Variants in PHACTR1 observed in about 807,000 individuals in gnomAD.
PHACTR1 encodes phosphatase and actin regulator 1, also known as RPEL repeat containing 1.
Under a neutral mutation model 69.2 loss-of-function variants are expected in PHACTR1, and 16 were observed. That is an observed-to-expected ratio of 0.23 (90% CI 0.16 to 0.35). The LOEUF (loss-of-function observed/expected upper bound fraction) is 0.35. Among genes scored for constraint, PHACTR1 ranks in the 10% least tolerant of loss-of-function variants. The pLI is 1.00. For missense variants in PHACTR1, 510 were observed against 734.7 expected (o/e 0.69, Z 3.54); for synonymous variants, 312 against 284.5 (o/e 1.10, Z -0.97).
intron 4 of PHACTR1, among the ~76,000 whole-genome samples, chr6:12,917,174 G>C (rs116507203): frequency 0.011 from 1,641 of 152,272 alleles, 34 homozygotes; most frequent in African/African-American, 0.037. Context: ...CCATGGCTGG[G>C]GACAGTTTTT....
At chr6:12,801,080 GATA>G (rs1773640142) in intron 4 of PHACTR1, among the ~76,000 whole-genome samples, 3 of 152,100 alleles carry the variant, frequency 2.0e-5, no homozygotes, top group Admixed American at 6.5e-5. Flanking sequence ...TTGTTCTCAA[GATA>G]ATAATGCTGA....
At chr6:13,221,626 G>A (rs1444580329) in intron 8 of PHACTR1, among the ~76,000 whole-genome samples, 1 of 152,228 alleles carries the variant, frequency 6.6e-6, no homozygotes, top group African/African-American at 2.4e-5. Flanking sequence ...AAAACGGGAA[G>A]ATCACAATAG....
rs1402380219 is a variant in PHACTR1, at chr6:12,890,785, T to G, written c.250+140995T>G. ...CACTGCCCCACCACACTTCTGGTCC[T>G]TCCAACTCTGTTTTACTTGTTCTTT... On this transcript the variant is annotated intron_variant, in intron 4 of 14. Coordinates refer to ENST00000332995, the MANE Select transcript of PHACTR1 (RefSeq NM_030948.6). Among the ~76,000 whole-genome samples, 4 of 152,214 alleles carry G rather than the reference T, an allele frequency of 2.6e-5. No individual in the cohort carries two copies. In the East Asian group the frequency reaches 7.7e-4, roughly 29 times the overall value.
intron 4 of PHACTR1, among the ~76,000 whole-genome samples, chr6:13,019,062 A>T: frequency 9.0e-6 from 1 of 110,908 alleles, no homozygotes; most frequent in Middle Eastern, 4.8e-3. Flanking sequence ...AAATATATAT[A>T]TATATATATA....
At position 13,283,664 on chromosome 6, in the gene PHACTR1, C is replaced by A; in HGVS notation, c.1650+102C>A. ...TGTAGGGAGACCTGCAGCCAGGCCT[C>A]AGCCGCAGTCCCCATAATGGAGTGT... On this transcript the variant is annotated intron_variant, in intron 13 of 14. Transcript: ENST00000332995. The surrounding 1 kb of genome is among the most constrained non-coding windows in gnomAD (Gnocchi z 4.7). 6.4e-7 allele frequency: 1 copy of A among 1,559,232 alleles called. No individual in the cohort carries two copies. Among genetic ancestry groups the A allele is most frequent in the Non-Finnish European group, 8.8e-7 (1 of 1,137,276 alleles).
intron 8 of PHACTR1, among the ~76,000 whole-genome samples, chr6:13,224,557 G>A (rs147839112): frequency 7.2e-5 from 11 of 152,294 alleles, no homozygotes; most frequent in African/African-American, 2.6e-4. Flanking sequence ...CGGAATGAGA[G>A]CCTGTATTTA....
At chr6:12,993,431 A>C (rs1264038232) in intron 4 of PHACTR1, among the ~76,000 whole-genome samples, 1 of 152,208 alleles carries the variant, frequency 6.6e-6, no homozygotes, top group Non-Finnish European at 1.5e-5. Context: ...TCAGCAGCAT[A>C]ATAGACTGAA....
At chr6:13,077,008 G>A (rs944498699) in intron 5 of PHACTR1, among the ~76,000 whole-genome samples, 2 of 150,178 alleles carry the variant, frequency 1.3e-5, no homozygotes, top group African/African-American at 4.9e-5. Flanking sequence ...GAGTTAGTGG[G>A]TGCAGCGCAC....
At chr6:13,184,588 A>G (rs1420976626) in intron 7 of PHACTR1, among the ~76,000 whole-genome samples, 3 of 151,050 alleles carry the variant, frequency 2.0e-5, no homozygotes, top group African/African-American at 4.9e-5. Context: ...TCCCGCCTCC[A>G]CTCTCTCTCT....
chr6:13,178,210 T>G (rs1159797543), intron 6 of PHACTR1, among the ~76,000 whole-genome samples: 3 of 152,230 alleles, frequency 2.0e-5, no homozygotes, highest in East Asian at 1.9e-4. Context: ...ATTTTTCTTT[T>G]CCACTTCATC....
chr6:12,764,010 G>T (rs549846185), intron 4 of PHACTR1, among the ~76,000 whole-genome samples: 107 of 152,178 alleles, frequency 7.0e-4, no homozygotes, highest in African/African-American at 2.3e-3. Context: ...CAAAGCAGAA[G>T]GTATTCATAC....
chr6:13,137,008 G>C (rs946260945), intron 5 of PHACTR1, among the ~76,000 whole-genome samples: 3 of 152,240 alleles, frequency 2.0e-5, no homozygotes, highest in Non-Finnish European at 4.4e-5. Context: ...GAGACCCAAA[G>C]TAAGCACATG....
intron 6 of PHACTR1, among the ~76,000 whole-genome samples, chr6:13,170,242 C>T (rs892316023): frequency 6.6e-6 from 1 of 152,152 alleles, no homozygotes; most frequent in Non-Finnish European, 1.5e-5. Flanking sequence ...CGCAGATAAC[C>T]ATCAGATATT....
chr6:12,878,786 C>T (rs1052323515), intron 4 of PHACTR1, among the ~76,000 whole-genome samples: 1 of 152,120 alleles, frequency 6.6e-6, no homozygotes, highest in African/African-American at 2.4e-5. Context: ...GTTGCCTTGT[C>T]CCCCTTTAAA....
chr6:13,004,739 C>T (rs1045947346), intron 4 of PHACTR1, among the ~76,000 whole-genome samples: 16 of 152,056 alleles, frequency 1.1e-4, no homozygotes, highest in South Asian at 4.1e-4. Flanking sequence ...AAGTTCTGGA[C>T]GGCAGCATGA....
At chr6:13,218,174 C>T (rs1767967736) in intron 8 of PHACTR1, among the ~76,000 whole-genome samples, 1 of 152,130 alleles carries the variant, frequency 6.6e-6, no homozygotes, top group African/African-American at 2.4e-5. Flanking sequence ...ATGGATCCCA[C>T]CTATTTTAGA....
intron 5 of PHACTR1, among the ~76,000 whole-genome samples, chr6:13,099,565 C>T (rs929010064): frequency 6.6e-6 from 1 of 152,190 alleles, no homozygotes; most frequent in Non-Finnish European, 1.5e-5. Flanking sequence ...AAAAATCACT[C>T]CCAGTGGAGA....
chr6:13,016,631 AG>A (rs1468014862), intron 4 of PHACTR1, among the ~76,000 whole-genome samples: 3 of 151,378 alleles, frequency 2.0e-5, no homozygotes, highest in African/African-American at 7.3e-5. Context: ...TTTACTCAAG[AG>A]TTTTTTTTTT....
intron 4 of PHACTR1, among the ~76,000 whole-genome samples, chr6:12,906,139 G>A (rs952817934): frequency 6.6e-6 from 1 of 152,152 alleles, no homozygotes; most frequent in Non-Finnish European, 1.5e-5. Flanking sequence ...GAAATCTCTG[G>A]TAGTTGGCCT....
Sources: allele counts gnomAD v4.1 joint callset (sites outside exome capture counted in the v4.1 genomes callset), GRCh38; gene constraint gnomAD v4.1.1; non-coding constraint Gnocchi (gnomAD v3.1); transcripts MANE v1.5; gene names NCBI Gene and HGNC (gene_info 2026-07-23, HGNC 2026-07-21).